ZBTB20: variants seen among roughly 807,000 people sequenced by gnomAD.
The protein encoded by ZBTB20 is zinc finger and BTB domain containing 20.
ZBTB20 carries 9 observed loss-of-function variants against 56.9 expected under a neutral mutation model. The observed-to-expected ratio is 0.16, with a 90% CI of 0.10 to 0.28. The LOEUF is 0.28. Among genes scored for constraint, ZBTB20 ranks in the 10% least tolerant of loss-of-function variants. The pLI is 1.00. For synonymous variants in ZBTB20, 417 were observed against 420.7 expected, an observed-to-expected ratio of 0.99 and a Z score of 0.11; for missense variants, 655 against 1,003.0, an observed-to-expected ratio of 0.65 and a Z score of 4.69.
chr3:114,529,134 T>A (rs1311108010), intron 6 of ZBTB20: 1 of 152,230 alleles, frequency 6.6e-6, no homozygotes, highest in African/African-American at 2.4e-5. Flanking sequence ...AAGTTCCATT[T>A]CCCAGCCTTC....
chr3:114,477,276 A>C (rs2718424), intron 7 of ZBTB20, among the ~76,000 whole-genome samples: 21,711 of 152,104 alleles, frequency 0.14, 1,656 homozygotes, highest in Middle Eastern at 0.3. Context: ...AGCATTTTCT[A>C]TGTGGTTGAT....
intron 1 of ZBTB20, among the ~76,000 whole-genome samples, chr3:115,103,395 T>C (rs966910688): frequency 1.3e-5 from 2 of 152,096 alleles, no homozygotes; most frequent in East Asian, 1.9e-4. Context: ...ATAACCAACA[T>C]AATATTGAAA....
chr3:115,003,364 G>C (rs376897693), intron 2 of ZBTB20, among the ~76,000 whole-genome samples: 1 of 151,612 alleles, frequency 6.6e-6, no homozygotes, highest in East Asian at 1.9e-4. Flanking sequence ...GAAAAGTGGG[G>C]AGGAGAAGGG....
intron 1 of ZBTB20, among the ~76,000 whole-genome samples, chr3:115,101,528 C>T (rs1036239871): frequency 2.6e-5 from 4 of 152,036 alleles, no homozygotes; most frequent in African/African-American, 9.7e-5. Context: ...TCCTCGTCCC[C>T]GAATTTTTAA....
chr3:114,583,369 A>G (rs370302976), intron 6 of ZBTB20, among the ~76,000 whole-genome samples: 2 of 152,252 alleles, frequency 1.3e-5, no homozygotes, highest in East Asian at 1.9e-4. Flanking sequence ...AAAAAGATCA[A>G]TGGACTTTTT....
chr3:114,349,420 A>T (rs1576274713), intron 11 of ZBTB20, among the ~76,000 whole-genome samples: 1 of 152,250 alleles, frequency 6.6e-6, no homozygotes, highest in East Asian at 1.9e-4. Flanking sequence ...TTAGCTCTGG[A>T]ATCATAGAAT....
At chr3:115,005,161 A>G (rs1179392179) in intron 2 of ZBTB20, among the ~76,000 whole-genome samples, 1 of 151,812 alleles carries the variant, frequency 6.6e-6, no homozygotes, top group African/African-American at 2.4e-5. Flanking sequence ...TTAAATTAAT[A>G]CATTTAGAAA....
rs557386165 is a variant in ZBTB20 at position 114,324,473 on chromosome 3, C to T, written c.*14532G>A. On this transcript the variant is annotated 3_prime_UTR_variant, in exon 12 of 12. Coordinates refer to ENST00000675478, the MANE Select transcript of ZBTB20 (RefSeq NM_001348800.3). ...CACTTTTCTACATTGATCACTTTTT[C>T]CCTCACCTCATTAGTCTCCTATTCT... 3.1e-4 allele frequency: 47 copies of T among 151,998 alleles called. No homozygotes were observed. The highest frequency in any genetic ancestry group is 1.1e-3 in the African/African-American group (47 of 41,468). 9.4% of individuals were successfully genotyped at this position (151,998 alleles called of 1,614,324 possible).
intron 2 of ZBTB20, among the ~76,000 whole-genome samples, chr3:114,987,650 T>G (rs1042119508): frequency 6.6e-6 from 1 of 152,138 alleles, no homozygotes; most frequent in Non-Finnish European, 1.5e-5. Flanking sequence ...TGGTTCCTGA[T>G]AATATCACAT....
intron 3 of ZBTB20, among the ~76,000 whole-genome samples, chr3:114,904,631 T>C (rs1274832105): frequency 1.3e-5 from 2 of 151,990 alleles, no homozygotes; most frequent in African/African-American, 2.4e-5. Context: ...CTGGCTTCTG[T>C]GGTTTCTCTC....
At chr3:114,507,005 A>G (rs1029042762) in intron 6 of ZBTB20, among the ~76,000 whole-genome samples, 1 of 152,324 alleles carries the variant, frequency 6.6e-6, no homozygotes, top group East Asian at 1.9e-4. Flanking sequence ...CTGTCCGTCT[A>G]TTTTAGGAGA....
At chr3:114,773,149 G>C (rs942738270) in intron 5 of ZBTB20, among the ~76,000 whole-genome samples, 3 of 152,136 alleles carry the variant, frequency 2.0e-5, no homozygotes, top group Non-Finnish European at 4.4e-5. Context: ...CATGAAAGTG[G>C]ATTTTTTTTC....
intron 6 of ZBTB20, among the ~76,000 whole-genome samples, chr3:114,525,397 T>G (rs1344314836): frequency 6.6e-6 from 1 of 152,038 alleles, no homozygotes; most frequent in African/African-American, 2.4e-5. Context: ...TTTCACCGAG[T>G]AAAGTCATTT....
intron 5 of ZBTB20, among the ~76,000 whole-genome samples, chr3:114,706,225 A>G (rs1560150181): frequency 1.3e-5 from 2 of 152,118 alleles, no homozygotes; most frequent in African/African-American, 2.4e-5. Flanking sequence ...AAAACCACCT[A>G]TTTTGCAGGA....
At chr3:114,633,931 G>A (rs1264568120) in intron 6 of ZBTB20, among the ~76,000 whole-genome samples, 1 of 152,050 alleles carries the variant, frequency 6.6e-6, no homozygotes, top group Non-Finnish European at 1.5e-5. Context: ...GATGTGTTGG[G>A]GAATACACAT....
intron 4 of ZBTB20, among the ~76,000 whole-genome samples, chr3:114,844,047 T>C (rs1272499586): frequency 6.6e-6 from 1 of 151,860 alleles, no homozygotes; most frequent in African/African-American, 2.4e-5. Flanking sequence ...TTGCTAAAAA[T>C]TGTAAACAGT....
chr3:114,993,171 A>G (rs2078889220), intron 2 of ZBTB20, among the ~76,000 whole-genome samples: 1 of 152,036 alleles, frequency 6.6e-6, no homozygotes, highest in African/African-American at 2.4e-5. Context: ...CATGAGGAAG[A>G]CAATGAATAC....
chr3:114,912,792 C>CA (rs2075594898), intron 3 of ZBTB20, among the ~76,000 whole-genome samples: 1 of 151,908 alleles, frequency 6.6e-6, no homozygotes, highest in Non-Finnish European at 1.5e-5. Context: ...TGGTAACTGT[C>CA]ATTCTACTCT....
chr3:114,607,559 T>C (rs565928992), intron 6 of ZBTB20, among the ~76,000 whole-genome samples: 2 of 152,208 alleles, frequency 1.3e-5, no homozygotes, highest in Non-Finnish European at 2.9e-5. Flanking sequence ...CGCCTCGGCC[T>C]CCCAAAGTGC....
Sources: allele counts gnomAD v4.1 joint callset (sites outside exome capture counted in the v4.1 genomes callset), GRCh38; gene constraint gnomAD v4.1.1; transcripts MANE v1.5; gene names NCBI Gene and HGNC (gene_info 2026-07-23, HGNC 2026-07-21).